Variants in FMN2 observed in about 807,000 individuals in gnomAD.
FMN2 encodes the protein formin-2.
Under a neutral mutation model 142.3 loss-of-function variants are expected in FMN2, and 51 were observed. The ratio of observed to expected loss-of-function variants is 0.36; its 90% CI spans 0.29 to 0.45. The LOEUF is 0.45. FMN2 is among the 20% of genes least tolerant of loss of function. The pLI, the probability that FMN2 is intolerant of heterozygous loss-of-function variation, is 1.00. For missense variants in FMN2, 1,936 were observed against 2,122.8 expected (o/e 0.91, Z 1.73); for synonymous variants, 882 against 869.8 (o/e 1.01, Z -0.25).
intron 15 of FMN2, among the ~76,000 whole-genome samples, chr1:240,425,233 G>GAGAGAGCC (rs1222917199): frequency 6.6e-6 from 1 of 151,494 alleles, no homozygotes; most frequent in African/African-American, 2.4e-5. Context: ...GAGAGAGAGA[G>GAGAGAGCC]AGCCGTGAGA....
At chr1:240,354,334 G>C (rs944108194) in intron 13 of FMN2, among the ~76,000 whole-genome samples, 2 of 152,170 alleles carry the variant, frequency 1.3e-5, no homozygotes, top group African/African-American at 2.4e-5. Flanking sequence ...GGAATAAAGA[G>C]AGGGGGTTGA....
chr1:240,095,802 T>A (rs1661176705), intron 1 of FMN2, among the ~76,000 whole-genome samples: 1 of 152,088 alleles, frequency 6.6e-6, no homozygotes, highest in Admixed American at 6.6e-5. Context: ...ATTCCCAAAT[T>A]TGAAATTTGG....
At chr1:240,460,118 A>G (rs139588544) in intron 16 of FMN2, among the ~76,000 whole-genome samples, 367 of 152,312 alleles carry the variant, frequency 2.4e-3, no homozygotes, top group African/African-American at 8.3e-3. Flanking sequence ...TTCTTTTTCA[A>G]AGATGAACGC....
intron 13 of FMN2, among the ~76,000 whole-genome samples, chr1:240,348,314 C>T (rs1402749586): frequency 6.6e-6 from 1 of 151,588 alleles, no homozygotes; most frequent in Non-Finnish European, 1.5e-5. Context: ...CTCTGCCTCC[C>T]GGGTTCAAGT....
chr1:240,428,699 G>A (rs912238287), intron 15 of FMN2, among the ~76,000 whole-genome samples: 6 of 152,158 alleles, frequency 3.9e-5, no homozygotes, highest in African/African-American at 1.4e-4. Context: ...TGGCTAAATT[G>A]AGCTAGTTAA....
intron 8 of FMN2, among the ~76,000 whole-genome samples, chr1:240,300,165 G>T (rs1048699479): frequency 6.6e-6 from 1 of 152,166 alleles, no homozygotes; most frequent in Non-Finnish European, 1.5e-5. Flanking sequence ...CAATATGGTT[G>T]CTATTACTAA....
intron 8 of FMN2, among the ~76,000 whole-genome samples, chr1:240,296,438 C>CTTTTTTT (rs772711130): frequency 2.1e-5 from 1 of 46,910 alleles, no homozygotes; most frequent in Non-Finnish European, 3.6e-5. Context: ...TCTTTGAGTG[C>CTTTTTTT]TTTTTTTTTT....
chr1:240,137,827 C>T (rs973979003), intron 2 of FMN2, among the ~76,000 whole-genome samples: 5 of 152,016 alleles, frequency 3.3e-5, no homozygotes, highest in African/African-American at 1.2e-4. Context: ...GGCGGTAGCT[C>T]ACACCTGTAA....
At chr1:240,450,377 G>A (rs1365569045) in intron 16 of FMN2, among the ~76,000 whole-genome samples, 2 of 152,060 alleles carry the variant, frequency 1.3e-5, no homozygotes, top group South Asian at 2.1e-4. Context: ...ATTCTATTTC[G>A]ATTTACTTTG....
At chr1:240,329,001 C>A in intron 8 of FMN2, 75 bp from the exon 9 acceptor site, 1 of 1,281,878 alleles carries the variant, frequency 7.8e-7, no homozygotes, top group Non-Finnish European at 1.1e-6. Flanking sequence ...GCAAATTTAT[C>A]AAGATAATTA....
At chr1:240,343,724 A>G (rs576186337) in intron 13 of FMN2, among the ~76,000 whole-genome samples, 1 of 152,334 alleles carries the variant, frequency 6.6e-6, no homozygotes, top group South Asian at 2.1e-4. Flanking sequence ...GATGAAATTA[A>G]TGCATCTTGG....
intron 14 of FMN2, among the ~76,000 whole-genome samples, chr1:240,363,830 G>A (rs1254405241): frequency 6.6e-6 from 1 of 151,524 alleles, no homozygotes; most frequent in African/African-American, 2.4e-5. Context: ...CTGCCCCCCA[G>A]CCTGCTTCCT....
At chr1:240,233,345 A>G (rs1460124564) in intron 6 of FMN2, among the ~76,000 whole-genome samples, 1 of 151,046 alleles carries the variant, frequency 6.6e-6, no homozygotes, top group East Asian at 2.0e-4. Flanking sequence ...AGATCGCACC[A>G]CTGCACTCCA....
At chr1:240,374,106 A>C (rs1342055591) in intron 14 of FMN2, among the ~76,000 whole-genome samples, 1 of 152,208 alleles carries the variant, frequency 6.6e-6, no homozygotes, top group African/African-American at 2.4e-5. Context: ...TTTTGAAAAG[A>C]ATCTTTTTTT....
At chr1:240,258,464 G>A (rs1558397763) in intron 7 of FMN2, among the ~76,000 whole-genome samples, 1 of 152,144 alleles carries the variant, frequency 6.6e-6, no homozygotes, top group African/African-American at 2.4e-5. Flanking sequence ...GAAGGAAAGA[G>A]AGCTCTCTTG....
intron 3 of FMN2, among the ~76,000 whole-genome samples, chr1:240,184,339 C>T (rs937294448): frequency 1.5e-5 from 2 of 137,714 alleles, no homozygotes; most frequent in South Asian, 4.8e-4. Context: ...CGGGTTCAAG[C>T]GATTCTCCTG....
intron 14 of FMN2, among the ~76,000 whole-genome samples, chr1:240,388,876 AAG>A (rs1491544649): frequency 3.3e-4 from 47 of 144,206 alleles, no homozygotes; most frequent in Middle Eastern, 3.5e-3. Context: ...AAAAAAAAAA[AAG>A]GGGGGGGGTC....
intron 1 of FMN2, among the ~76,000 whole-genome samples, chr1:240,098,093 T>G (rs1372278605): frequency 7.4e-6 from 1 of 134,638 alleles, no homozygotes; most frequent in African/African-American, 2.9e-5. Flanking sequence ...AAAGGTTATC[T>G]TGAATTTTTT....
chr1:240,285,378 A>G (rs1669550765), intron 7 of FMN2: 1 of 435,940 alleles, frequency 2.3e-6, no homozygotes, highest in Non-Finnish European at 4.6e-6. Context: ...TCTGTTAGAC[A>G]CCCAAGTGGT....
Sources: gnomAD v4.1 joint callset for allele counts (sites outside exome capture counted in the v4.1 genomes callset) on GRCh38, gnomAD v4.1.1 for gene constraint, MANE v1.5 for transcripts, NCBI Gene and HGNC (gene_info 2026-07-23, HGNC 2026-07-21) for gene names.